NEDD4L: variants seen among roughly 807,000 people sequenced by gnomAD.
NEDD4L encodes the protein E3 ubiquitin-protein ligase NEDD4-like.
In NEDD4L, 54 loss-of-function variants were observed where a neutral mutation model predicts 148.9. The ratio of observed to expected loss-of-function variants is 0.36; its 90% CI spans 0.29 to 0.45. The LOEUF (loss-of-function observed/expected upper bound fraction) is 0.45. NEDD4L is among the 20% of genes least tolerant of loss of function. The pLI is 1.00. For synonymous variants in NEDD4L, 433 were observed against 440.7 expected, an observed-to-expected ratio of 0.98 and a Z score of 0.22; for missense variants, 856 against 1,233.8, an observed-to-expected ratio of 0.69 and a Z score of 4.59.
chr18:58,136,422 T>C (rs2032856075), intron 1 of NEDD4L, among the ~76,000 whole-genome samples: 1 of 152,178 alleles, frequency 6.6e-6, no homozygotes, highest in Non-Finnish European at 1.5e-5. Flanking sequence ...CTCCCCAGTG[T>C]TGGGTTTGGA....
intron 5 of NEDD4L, among the ~76,000 whole-genome samples, chr18:58,274,001 G>A (rs544357088): frequency 2.0e-5 from 3 of 152,280 alleles, no homozygotes; most frequent in African/African-American, 4.8e-5. Context: ...AAGTGATGCC[G>A]GGCCCTTTCT....
intron 1 of NEDD4L, among the ~76,000 whole-genome samples, chr18:58,082,102 A>ATATTTTTTTTTTTTTTTTTTTTTTTTTTT: frequency 4.1e-5 from 2 of 48,834 alleles, no homozygotes; most frequent in African/African-American, 1.3e-4. Context: ...ATATATATAT[A>ATATTTTTTTTTTTTTTTTTTTTTTTTTTT]TTTTTTTTTT....
intron 19 of NEDD4L, among the ~76,000 whole-genome samples, chr18:58,363,425 T>C (rs2045738915): frequency 6.6e-6 from 1 of 152,220 alleles, no homozygotes; most frequent in Non-Finnish European, 1.5e-5. Flanking sequence ...AATGTCTGTG[T>C]ATATGCAAAA....
chr18:58,112,864 C>T (rs545705288), intron 1 of NEDD4L, among the ~76,000 whole-genome samples: 3 of 152,102 alleles, frequency 2.0e-5, no homozygotes, highest in Non-Finnish European at 2.9e-5. Context: ...CATCCTAAAC[C>T]CCAATGGGAT....
chr18:58,106,487 G>A (rs1406437355), intron 1 of NEDD4L, among the ~76,000 whole-genome samples: 1 of 152,158 alleles, frequency 6.6e-6, no homozygotes, highest in Non-Finnish European at 1.5e-5. Context: ...GGGAGACCCT[G>A]CAGTGGTCAA....
Position 58,341,094 on chromosome 18 carries a change from A to C in NEDD4L, c.1182A>C (p.Arg394Ser). 6.2e-7 allele frequency: 1 copy of C among 1,612,078 alleles called. No individual in the cohort carries two copies. The highest frequency in any genetic ancestry group is 8.5e-7 in the Non-Finnish European group (1 of 1,179,128). Residue 394 changes from arginine to serine, a missense_variant, in exon 14 of 31, where the codon AGA (arginine) becomes AGC (serine). By Grantham distance (110) the Arg-to-Ser change is moderately radical (BLOSUM62 -1). Coordinates refer to ENST00000400345, the MANE Select transcript of NEDD4L (RefSeq NM_001144967.3). ...TPGLPSGWEE[R>S]KDAKGRTYYV... ...GTCTGCCTTCAGGCTGGGAAGAAAG[A>C]AAAGATGCTAAGGGGCGCACATACT...
chr18:58,102,481 C>G (rs1213993258), intron 1 of NEDD4L, among the ~76,000 whole-genome samples: 2 of 152,176 alleles, frequency 1.3e-5, no homozygotes, highest in African/African-American at 4.8e-5. Flanking sequence ...AGTGAATTCT[C>G]TCTCAGGGCC....
intron 2 of NEDD4L, among the ~76,000 whole-genome samples, chr18:58,228,743 C>T (rs567426897): frequency 6.6e-6 from 1 of 152,260 alleles, no homozygotes; most frequent in East Asian, 1.9e-4. Flanking sequence ...AGGGTGTGAG[C>T]CCCCTCCAAG....
chr18:58,062,937 G>A (rs1337938750), intron 1 of NEDD4L, among the ~76,000 whole-genome samples: 2 of 144,072 alleles, frequency 1.4e-5, no homozygotes, highest in Non-Finnish European at 3.0e-5. Context: ...GCAGTTAGCC[G>A]AGATTGTGCC....
At chr18:58,380,049 C>T (rs1328264868) in intron 24 of NEDD4L, among the ~76,000 whole-genome samples, 2 of 148,778 alleles carry the variant, frequency 1.3e-5, no homozygotes, top group African/African-American at 5.0e-5. Flanking sequence ...TAGTGTGGGC[C>T]CATTTTTTCT....
intron 5 of NEDD4L, among the ~76,000 whole-genome samples, chr18:58,281,390 T>C (rs976031335): frequency 5.3e-5 from 8 of 151,980 alleles, no homozygotes; most frequent in African/African-American, 1.9e-4. Flanking sequence ...AGCATAACTG[T>C]GTAGTACAAG....
At chr18:58,230,461 G>A (rs1164394493) in intron 2 of NEDD4L, among the ~76,000 whole-genome samples, 1 of 149,506 alleles carries the variant, frequency 6.7e-6, no homozygotes, top group Non-Finnish European at 1.5e-5. Flanking sequence ...GAGTGTATGT[G>A]AGCTTATAAC....
At chr18:58,383,421 G>A in intron 25 of NEDD4L, 102 bp downstream of exon 25, 1 of 691,942 alleles carries the variant, frequency 1.4e-6, no homozygotes, top group Admixed American at 2.3e-5. Context: ...ATGGGCATGA[G>A]TTTATTGGTC....
At chr18:58,280,281 G>A (rs939411007) in intron 5 of NEDD4L, among the ~76,000 whole-genome samples, 4 of 152,050 alleles carry the variant, frequency 2.6e-5, no homozygotes, top group African/African-American at 9.7e-5. Context: ...CCACTGTCCA[G>A]CCCATTCCAC....
intron 6 of NEDD4L, among the ~76,000 whole-genome samples, chr18:58,316,663 C>T (rs376941520): frequency 7.2e-5 from 11 of 152,296 alleles, no homozygotes; most frequent in African/African-American, 2.4e-4. Context: ...TGACTAGTGA[C>T]GGGCATTAGG....
intron 22 of NEDD4L, among the ~76,000 whole-genome samples, chr18:58,370,110 C>T (rs547724168): frequency 3.3e-4 from 51 of 152,266 alleles, no homozygotes; most frequent in South Asian, 2.9e-3. Flanking sequence ...CCAATTCCTA[C>T]GCCTGATTTG....
chr18:58,050,636 C>G (rs1233074166), intron 1 of NEDD4L, among the ~76,000 whole-genome samples: 1 of 151,936 alleles, frequency 6.6e-6, no homozygotes, highest in Non-Finnish European at 1.5e-5. Context: ...TGGCAGGCAA[C>G]TGTAATCCCA....
intron 5 of NEDD4L, among the ~76,000 whole-genome samples, chr18:58,275,145 G>A (rs1600559144): frequency 6.6e-6 from 1 of 152,226 alleles, no homozygotes; most frequent in East Asian, 1.9e-4. Flanking sequence ...CAGTTGATTA[G>A]CATATATATT....
At chr18:58,134,250 C>T (rs564917337) in intron 1 of NEDD4L, among the ~76,000 whole-genome samples, 2 of 152,248 alleles carry the variant, frequency 1.3e-5, no homozygotes, top group African/African-American at 4.8e-5. Flanking sequence ...ATCCATCCGC[C>T]TCGGGCTCCC....
Sources: allele counts gnomAD v4.1 joint callset (sites outside exome capture counted in the v4.1 genomes callset), GRCh38; gene constraint gnomAD v4.1.1; transcripts MANE v1.5; gene names NCBI Gene and HGNC (gene_info 2026-07-23, HGNC 2026-07-21).